Variants in ERO1A observed in about 807,000 individuals in gnomAD.
The protein encoded by ERO1A is endoplasmic reticulum oxidoreductase 1 alpha.
Under a neutral mutation model 76.9 loss-of-function variants are expected in ERO1A, and 49 were observed. The observed-to-expected ratio is 0.64, with a 90% CI of 0.51 to 0.81. The LOEUF is 0.81. Ranked by LOEUF, ERO1A falls within the 30% of genes least tolerant of loss-of-function variation. The pLI, the probability that ERO1A is intolerant of heterozygous loss-of-function variation, is 0.00. For synonymous variants in ERO1A, 174 were observed against 181.2 expected (o/e 0.96, Z 0.32); for missense variants, 448 against 542.1 (o/e 0.83, Z 1.72).
At chr14:52,675,209 C>T (rs1441525079) in intron 4 of ERO1A, among the ~76,000 whole-genome samples, 1 of 152,020 alleles carries the variant, frequency 6.6e-6, no homozygotes, top group Non-Finnish European at 1.5e-5. Context: ...CATGGTGAAA[C>T]CCCGTCTCTA....
chr14:52,678,329 G>A, intron 4 of ERO1A, 105 bp downstream of exon 4: 2 of 786,934 alleles, frequency 2.5e-6, no homozygotes, highest in South Asian at 3.6e-5. Context: ...CTCTCAAGGG[G>A]TTTCACCACT....
intron 8 of ERO1A, among the ~76,000 whole-genome samples, chr14:52,662,286 T>A (rs1036499794): frequency 3.3e-5 from 5 of 152,184 alleles, no homozygotes; most frequent in African/African-American, 1.2e-4. Context: ...TTGCATTTCA[T>A]CTGATATTAA....
rs974725802 is a variant in ERO1A at position 52,650,537 on chromosome 14, G to GAT, written c.1125+1700_1125+1701dup. Among the ~76,000 whole-genome samples the GAT allele has an allele frequency of 4.7e-5, 7 of 149,420 alleles. No homozygotes were observed. In the East Asian group the frequency reaches 5.8e-4, roughly 12 times the overall value. Reference sequence around the variant, plus strand: ...TAATATTACTCTACAAAGATTCTGTGATATATATATATGATTTCATATGTA... The same window carrying GAT: ...TAATATTACTCTACAAAGATTCTGTGATATATATATATATGATTTCATATGTA... On this transcript the variant is annotated intron_variant, in intron 13 of 15. Coordinates refer to ENST00000395686, the MANE Select transcript of ERO1A (RefSeq NM_014584.3).
In ERO1A at chr14:52,671,582, T is replaced by C. The variant is rs574613176; in HGVS notation, c.508+48A>G. On this transcript the variant is annotated intron_variant, in intron 6 of 15. Coordinates refer to ENST00000395686, the MANE Select transcript of ERO1A (RefSeq NM_014584.3). ...TTAAAATAATTAAAAACTTTTTTTTTCTTAGGTATAATTTTAAACACAATG... is the reference window on the plus strand; with the variant it reads ...TTAAAATAATTAAAAACTTTTTTTTCCTTAGGTATAATTTTAAACACAATG... 31 of 1,375,200 alleles carry C rather than the reference T, an allele frequency of 2.3e-5. 1 individual carries two copies. Among genetic ancestry groups the C allele is most frequent in the African/African-American group, 1.3e-4 (9 of 68,244 alleles). The allele number at this position is 1,375,200 out of a possible 1,614,324, so 85.2% of individuals were successfully genotyped here.
chr14:52,662,135 G>A (rs1211616188), intron 8 of ERO1A, among the ~76,000 whole-genome samples: 1 of 152,008 alleles, frequency 6.6e-6, no homozygotes, highest in Non-Finnish European at 1.5e-5. Flanking sequence ...TTTTCTATGT[G>A]ACTATACCAT....
intron 1 of ERO1A, among the ~76,000 whole-genome samples, chr14:52,690,705 G>GA (rs1396205577): frequency 1.2e-4 from 18 of 150,024 alleles, no homozygotes; most frequent in African/African-American, 1.5e-4. Flanking sequence ...TGTCTCAAAA[G>GA]AAAAAAAAAG....
At chr14:52,658,469 A>G (rs2040124494) in intron 9 of ERO1A, 1 of 223,124 alleles carries the variant, frequency 4.5e-6, no homozygotes, top group Admixed American at 5.7e-5. Context: ...AGAATGGGAA[A>G]ATACCTAGCC....
rs116496389 is a variant in ERO1A, at chr14:52,651,630, A to G, written c.1125+609T>C. On this transcript the variant is annotated intron_variant, in intron 13 of 15. Transcript: ENST00000395686. Reference sequence around the variant, plus strand: ...TTTCTTAATTTCAAGATGTATATCAAGATATACTGTTAAGTATATATACAT... The same window carrying G: ...TTTCTTAATTTCAAGATGTATATCAGGATATACTGTTAAGTATATATACAT... Among the ~76,000 whole-genome samples the G allele has an allele frequency of 2.6e-3, 391 of 152,310 alleles. 2 individuals are homozygous for G. Among genetic ancestry groups the G allele is most frequent in the African/African-American group, 9.1e-3 (377 of 41,564 alleles).
chr14:52,667,936 A>T (rs183660787), intron 6 of ERO1A, among the ~76,000 whole-genome samples: 25 of 151,184 alleles, frequency 1.7e-4, no homozygotes, highest in East Asian at 1.2e-3. Context: ...TTTTATTATT[A>T]AAAAAAAACC....
Position 52,646,192 on chromosome 14 carries a change from G to A in ERO1A, c.1308C>T (p.Thr436=), listed in dbSNP as rs2039646949. 6.2e-7 allele frequency: 1 copy of A among 1,612,344 alleles called. No individual in the cohort carries two copies. The highest frequency in any genetic ancestry group is 1.1e-5 in the South Asian group (1 of 90,626). Residue 436 remains threonine (T), a synonymous_variant, in exon 15 of 16, where the codon ACC becomes ACT. Coordinates refer to ENST00000395686, the MANE Select transcript of ERO1A (RefSeq NM_014584.3). Reference sequence around the variant, plus strand: ...TGAATAATGATACTATTTCTTGTCTGGTTAGATGGAATTCATAACTAGGTC... The same window carrying A: ...TGAATAATGATACTATTTCTTGTCTAGTTAGATGGAATTCATAACTAGGTC... ...ESGPSYEFHL[T]RQEIVSLFNA...
chr14:52,662,092 A>T (rs1232223295), intron 8 of ERO1A, among the ~76,000 whole-genome samples: 1 of 152,104 alleles, frequency 6.6e-6, no homozygotes, highest in Non-Finnish European at 1.5e-5. Context: ...GATTTAAATG[A>T]ATAAAAATTT....
At chr14:52,655,987 A>AT (rs2040030302) in intron 11 of ERO1A, among the ~76,000 whole-genome samples, 1 of 152,216 alleles carries the variant, frequency 6.6e-6, no homozygotes, top group Non-Finnish European at 1.5e-5. Context: ...CATAGTTAAC[A>AT]TTTCTGTGGC....
At chr14:52,647,038 G>A (rs1430171747) in intron 13 of ERO1A, 1 of 137,896 alleles carries the variant, frequency 7.3e-6, no homozygotes, top group Non-Finnish European at 1.5e-5. Flanking sequence ...GTGCAGTGGG[G>A]GAATCTCGCT....
At chr14:52,678,138 T>C (rs1026580114) in intron 4 of ERO1A, among the ~76,000 whole-genome samples, 24 of 151,910 alleles carry the variant, frequency 1.6e-4, no homozygotes, top group Admixed American at 5.9e-4. Flanking sequence ...TGGTGGTGAG[T>C]GCCTGTAATC....
intron 6 of ERO1A, among the ~76,000 whole-genome samples, chr14:52,670,766 T>G (rs1421065981): frequency 6.6e-6 from 1 of 152,226 alleles, no homozygotes; most frequent in Non-Finnish European, 1.5e-5. Context: ...TATACAAAAT[T>G]ATATAAACCA....
rs564788853 is a variant in ERO1A, at chr14:52,653,373, T to G, written c.809-58A>C. 6.3e-4 allele frequency: 863 copies of G among 1,376,998 alleles called. 4 individuals are homozygous for G. The highest frequency in any genetic ancestry group is 4.2e-4 in the Non-Finnish European group (427 of 1,011,926). 85.3% of individuals were successfully genotyped at this position (1,376,998 alleles called of 1,614,324 possible). ...TGAATTTGACAATTTTTACTTTAAT[T>G]ATATTAGGTTATTCATGCCTATAGA... On this transcript the variant is annotated intron_variant, in intron 11 of 15. Coordinates refer to ENST00000395686, the MANE Select transcript of ERO1A (RefSeq NM_014584.3).
Position 52,642,397 on chromosome 14 carries a change from T to C in ERO1A, c.*1173A>G, listed in dbSNP as rs2039505325. On this transcript the variant is annotated 3_prime_UTR_variant, in exon 16 of 16. Coordinates refer to ENST00000395686, the MANE Select transcript of ERO1A (RefSeq NM_014584.3). ...AAAAATTTTAATAAAATAAATAGCC[T>C]ACCCTATTACTATACACATCAAGCA... 1 of 152,022 alleles carries C rather than the reference T, an allele frequency of 6.6e-6. No individual in the cohort carries two copies. Among genetic ancestry groups the C allele is most frequent in the African/African-American group, 2.4e-5 (1 of 41,392 alleles). 9.4% of individuals were successfully genotyped at this position (152,022 alleles called of 1,614,324 possible). A position where few individuals can be genotyped will look rare whatever the true frequency, so the allele number is the denominator to read the frequency against.
In ERO1A at chr14:52,659,126, T is replaced by A. The variant is rs116475857; in HGVS notation, c.689-976A>T. On this transcript the variant is annotated intron_variant, in intron 9 of 15. Coordinates refer to ENST00000395686, the MANE Select transcript of ERO1A (RefSeq NM_014584.3). Reference sequence around the variant, plus strand: ...CAGTAAAATGTATGTTGCAAATATGTCAAAGGGATTAGATCCTAAATATAT... The same window carrying A: ...CAGTAAAATGTATGTTGCAAATATGACAAAGGGATTAGATCCTAAATATAT... 2.6e-3 allele frequency among the ~76,000 whole-genome samples: 390 copies of A among 152,168 alleles called. 2 individuals are homozygous for A. The highest frequency in any genetic ancestry group is 9.1e-3 in the African/African-American group (376 of 41,510).
At chr14:52,661,726 C>G (rs2040239480) in intron 8 of ERO1A, among the ~76,000 whole-genome samples, 1 of 152,038 alleles carries the variant, frequency 6.6e-6, no homozygotes, top group African/African-American at 2.4e-5. Flanking sequence ...AACCTCCAGC[C>G]TGGCCTTATA....
Sources: gnomAD v4.1 joint callset for allele counts (sites outside exome capture counted in the v4.1 genomes callset) on GRCh38, gnomAD v4.1.1 for gene constraint, MANE v1.5 for transcripts, NCBI Gene and HGNC (gene_info 2026-07-23, HGNC 2026-07-21) for gene names.